The following HSF2BP variants were observed in gnomAD, a reference collection of about 807,000 sequenced individuals.
The protein encoded by HSF2BP is heat shock factor 2-binding protein.
Under a neutral mutation model 35.0 loss-of-function variants are expected in HSF2BP, and 35 were observed. The observed-to-expected ratio is 1.00, with a 90% CI of 0.76 to 1.32. The LOEUF is 1.32. Ranked by LOEUF, HSF2BP falls within the 40% of genes most tolerant of loss-of-function variation. The pLI is 0.00. For missense variants in HSF2BP, 326 were observed against 321.7 expected (o/e 1.01, Z -0.10); for synonymous variants, 114 against 117.4 (o/e 0.97, Z 0.18).
chr21:43,468,084 C>G, the HSF2BP span, among the ~76,000 whole-genome samples: 1 of 139,474 alleles, frequency 7.2e-6, no homozygotes, highest in African/African-American at 2.6e-5. Context: ...CCACACACAA[C>G]ACACCACATA....
the HSF2BP span, among the ~76,000 whole-genome samples, chr21:43,507,077 G>A: frequency 4.0e-5 from 5 of 125,646 alleles, 1 homozygote; most frequent in African/African-American, 8.4e-5. Flanking sequence ...CAGAGCACGC[G>A]TGGCAAGGTC....
intron 7 of HSF2BP, among the ~76,000 whole-genome samples, chr21:43,608,991 A>C (rs908706057): frequency 2.6e-5 from 4 of 152,118 alleles, no homozygotes; most frequent in Admixed American, 2.6e-4. Flanking sequence ...AACTAAACAA[A>C]ACAAAAATAG....
chr21:43,600,304 A>C (rs747153992), intron 7 of HSF2BP, among the ~76,000 whole-genome samples: 20 of 152,228 alleles, frequency 1.3e-4, no homozygotes, highest in Non-Finnish European at 2.6e-4. Flanking sequence ...ACTTCAAAAC[A>C]AACTAGCAAT....
chr21:43,498,784 AAC>A, the HSF2BP span, among the ~76,000 whole-genome samples: 4 of 114,876 alleles, frequency 3.5e-5, 1 homozygote, highest in African/African-American at 1.1e-4. Flanking sequence ...CTTCACCGTA[AAC>A]ACACACTGTG....
chr21:43,582,358 A>G (rs949521185), intron 8 of HSF2BP, among the ~76,000 whole-genome samples: 33 of 26,130 alleles, frequency 1.3e-3, no homozygotes, highest in East Asian at 2.8e-3. Context: ...AGGGAGATGA[A>G]GACCTGCTGT....
intron 6 of HSF2BP, among the ~76,000 whole-genome samples, chr21:43,628,906 C>T (rs1293771982): frequency 1.3e-5 from 2 of 152,130 alleles, no homozygotes; most frequent in Admixed American, 1.3e-4. Flanking sequence ...AAAAACAAAG[C>T]CTGGATGACA....
At chr21:43,638,260 C>A (rs1356137676) in intron 4 of HSF2BP, among the ~76,000 whole-genome samples, 3 of 152,102 alleles carry the variant, frequency 2.0e-5, no homozygotes, top group Admixed American at 6.6e-5. Flanking sequence ...GAATTCGAGA[C>A]CAGCCTGGCC....
Position 43,651,856 on chromosome 21 carries a change from C to A in HSF2BP, c.187+4731G>T, listed in dbSNP as rs116692451. ...AACTCCCTAAGACTCTCAGGCAACA[C>A]CTTCGTCAGTATTATTGCAAACTGC... On this transcript the variant is annotated intron_variant, in intron 3 of 8. Transcript: ENST00000291560. 2.0e-3 allele frequency among the ~76,000 whole-genome samples: 311 copies of A among 152,306 alleles called. 2 individuals carry two copies. The highest frequency in any genetic ancestry group is 6.9e-3 in the African/African-American group (287 of 41,580).
Position 43,635,079 on chromosome 21 carries a change from A to C in HSF2BP, c.292-1658T>G, listed in dbSNP as rs75852501. ...GTTCCACACATAGTATAATAATATC[A>C]AAAAAAAAACAAACAAACCTCAAAG... On this transcript the variant is annotated intron_variant, in intron 4 of 8. Coordinates refer to ENST00000291560, the MANE Select transcript of HSF2BP (RefSeq NM_007031.2). 1.0e-4 allele frequency among the ~76,000 whole-genome samples: 14 copies of C among 135,652 alleles called. No homozygotes were observed. The East Asian group carries it at 2.8e-3, about 27-fold the overall frequency. The allele number at this position is 135,652 out of a possible 152,430, so 89.0% of individuals were successfully genotyped here. A position where few individuals can be genotyped will look rare whatever the true frequency, so the allele number is the denominator to read the frequency against.
chr21:43,602,737 C>T (rs981557812), intron 7 of HSF2BP, among the ~76,000 whole-genome samples: 4 of 152,180 alleles, frequency 2.6e-5, no homozygotes, highest in Non-Finnish European at 5.9e-5. Flanking sequence ...GTGTCAGTTA[C>T]CTCAGCTTAG....
intron 8 of HSF2BP, among the ~76,000 whole-genome samples, chr21:43,575,118 A>T (rs2081626354): frequency 6.6e-6 from 1 of 152,176 alleles, no homozygotes; most frequent in South Asian, 2.1e-4. Flanking sequence ...AAGAAATGGA[A>T]CTCAAAATGT....
chr21:43,658,201 A>G lies in HSF2BP; in HGVS notation c.-105T>C. 1.5e-6 allele frequency: 2 copies of G among 1,324,638 alleles called. No individual in the cohort carries two copies. The highest frequency in any genetic ancestry group is 2.0e-6 in the Non-Finnish European group (2 of 1,000,236). The allele number at this position is 1,324,638 out of a possible 1,614,324, so 82.1% of individuals were successfully genotyped here. Reference sequence around the variant, plus strand: ...TCCACGCCGGGGGTCGGGAACGGAGAGCCGCCAGGCCCAAACCTCCCAGAA... The same window carrying G: ...TCCACGCCGGGGGTCGGGAACGGAGGGCCGCCAGGCCCAAACCTCCCAGAA... On this transcript the variant is annotated 5_prime_UTR_variant, in exon 2 of 9. Coordinates refer to ENST00000291560, the MANE Select transcript of HSF2BP (RefSeq NM_007031.2).
chr21:43,603,960 C>T (rs2082082105), intron 7 of HSF2BP, among the ~76,000 whole-genome samples: 1 of 152,088 alleles, frequency 6.6e-6, no homozygotes, highest in Admixed American at 6.5e-5. Context: ...GCAGGGCCCA[C>T]AGGGATTTCT....
intron 3 of HSF2BP, among the ~76,000 whole-genome samples, chr21:43,645,088 A>G (rs180880435): frequency 3.0e-4 from 46 of 152,356 alleles, no homozygotes; most frequent in African/African-American, 8.9e-4. Context: ...AAACAAATAT[A>G]TAATACAAAT....
intron 1 of HSF2BP, 31 bp from the exon 2 acceptor site, chr21:43,658,351 T>G (rs1601744367): frequency 1.9e-6 from 1 of 527,370 alleles, no homozygotes. Context: ...CAGCCCCTGA[T>G]GTAAGTGTCA....
intron 8 of HSF2BP, among the ~76,000 whole-genome samples, chr21:43,577,222 C>A (rs1242111668): frequency 6.6e-6 from 1 of 152,138 alleles, no homozygotes; most frequent in African/African-American, 2.4e-5. Flanking sequence ...TTGGTGCTGG[C>A]AGGATATGTT....
rs945928139 is a variant in HSF2BP at position 43,574,420 on chromosome 21, C to T, written c.796+17805G>A. ...TCGCCCAGGCTGGAATGCAGTGGTG[C>T]GATCTCGGATCACCGCAAGCTCCAC... On this transcript the variant is annotated intron_variant, in intron 8 of 8. Coordinates refer to ENST00000291560, the MANE Select transcript of HSF2BP (RefSeq NM_007031.2). 4.6e-5 allele frequency among the ~76,000 whole-genome samples: 7 copies of T among 151,674 alleles called. No individual in the cohort carries two copies. In the East Asian group the frequency reaches 9.7e-4, roughly 21 times the overall value.
intron 5 of HSF2BP, 60 bp from the exon 6 acceptor site, chr21:43,630,514 T>A: frequency 1.3e-6 from 2 of 1,547,056 alleles, no homozygotes; most frequent in Non-Finnish European, 1.7e-6. Flanking sequence ...GAAAACATTT[T>A]AAAAGTGCAG....
intron 7 of HSF2BP, among the ~76,000 whole-genome samples, chr21:43,595,072 C>T (rs949038876): frequency 6.6e-6 from 1 of 151,966 alleles, no homozygotes; most frequent in African/African-American, 2.4e-5. Flanking sequence ...ACCACCCTGG[C>T]CAACATGGCA....
Sources: allele counts gnomAD v4.1 joint callset (sites outside exome capture counted in the v4.1 genomes callset), GRCh38; gene constraint gnomAD v4.1.1; transcripts MANE v1.5; gene names NCBI Gene and HGNC (gene_info 2026-07-23, HGNC 2026-07-21).